Variants in DIS3L2 observed in about 807,000 individuals in gnomAD.
DIS3L2 encodes the protein DIS3 like 3'-5' exoribonuclease 2.
In DIS3L2, 34 loss-of-function variants were observed where a neutral mutation model predicts 97.5. That is an observed-to-expected ratio of 0.35 (90% CI 0.27 to 0.46). The LOEUF (loss-of-function observed/expected upper bound fraction) is 0.46. DIS3L2 is among the 20% of genes least tolerant of loss of function. DIS3L2 has a pLI of 1.00. For missense variants in DIS3L2, 1,038 were observed against 1,146.0 expected (o/e 0.91, Z 1.36); for synonymous variants, 435 against 445.2 (o/e 0.98, Z 0.29).
At chr2:232,302,953 A>G (rs1694899261) in intron 14 of DIS3L2, among the ~76,000 whole-genome samples, 1 of 152,200 alleles carries the variant, frequency 6.6e-6, no homozygotes, top group Non-Finnish European at 1.5e-5. Flanking sequence ...AGGATTAATA[A>G]TACCTCTCTG....
chr2:232,101,330 T>G lies in DIS3L2; in HGVS notation c.601+13609T>G, dbSNP rs1056941865. On this transcript the variant is annotated intron_variant, in intron 6 of 20. Coordinates refer to ENST00000325385, the MANE Select transcript of DIS3L2 (RefSeq NM_152383.5). ...TTTGTATTTCCTACAGTCTTGTCAA[T>G]TGTAGCTTGATATATTTTGAAGTTG... 9.8e-5 allele frequency among the ~76,000 whole-genome samples: 15 copies of G among 152,354 alleles called. 1 individual carries two copies. The Middle Eastern group carries it at 0.01, about 104-fold the overall frequency.
At chr2:232,173,953 T>C (rs1397197497) in intron 9 of DIS3L2, among the ~76,000 whole-genome samples, 1 of 152,206 alleles carries the variant, frequency 6.6e-6, no homozygotes, top group Non-Finnish European at 1.5e-5. Context: ...TATTTTAGGA[T>C]CAGCTTGTCA....
At chr2:231,997,945 T>C (rs919281208) in intron 1 of DIS3L2, among the ~76,000 whole-genome samples, 13 of 152,210 alleles carry the variant, frequency 8.5e-5, no homozygotes, top group Admixed American at 3.3e-4. Flanking sequence ...TCCTTTCTTA[T>C]ATGAAAAGAA....
At position 232,329,951 on chromosome 2, in the gene DIS3L2, C is replaced by A; in HGVS notation, c.1878C>A (p.Asp626Glu). ...TCAGTGACCTGGTGGAATTCTGCGA[C>A]CAGATGGGGCTGCCCGTGGACTTCA... The part of the protein sequence containing the change: ...RMLSDLVEFC[D>E]QMGLPVDFSS... Residue 626 changes from aspartate to glutamate, a missense_variant, in exon 15 of 21, where the codon GAC becomes GAA. By Grantham distance (45) the Asp-to-Glu change is conservative. Around this residue, in one of 3 missense-constraint regions of DIS3L2, gnomAD observed 813 missense variants for 880.1 expected, o/e 0.92. Transcript: ENST00000325385. The A allele has an allele frequency of 6.2e-7, 1 of 1,612,968 alleles. No homozygotes were observed.
At chr2:232,341,998 G>A (rs1272941797), downstream of DIS3L2, among the ~76,000 whole-genome samples, 1 of 152,162 alleles carries the variant, frequency 6.6e-6, no homozygotes, top group African/African-American at 2.4e-5. Context: ...CTGCCCAGAT[G>A]GCAGTTTTGT....
chr2:232,332,250 C>CA (rs1164266064), intron 16 of DIS3L2, among the ~76,000 whole-genome samples: 2 of 151,362 alleles, frequency 1.3e-5, no homozygotes, highest in Non-Finnish European at 2.9e-5. Flanking sequence ...GCTGTGCCCA[C>CA]CTCCCCCAGA....
In DIS3L2 at chr2:232,238,599, A is replaced by T. The variant is rs1692997849; in HGVS notation, c.1271A>T (p.Asp424Val). The change falls in exon 11 of 21, where the codon GAT becomes GTT. Residue 424 changes from aspartate (D) to valine (V), a missense_variant. Coordinates refer to ENST00000325385, the MANE Select transcript of DIS3L2 (RefSeq NM_152383.5). ...TTTGTTCCGGAGGGATCTGATCTGGATAAAGTGGCTGCCGAGAGGGCTACA... is the reference window on the plus strand; with the variant it reads ...TTTGTTCCGGAGGGATCTGATCTGGTTAAAGTGGCTGCCGAGAGGGCTACA... ...SYFVPEGSDL[D>V]KVAAERATSV... is the part of the protein sequence containing the mutation. 1 of 1,614,196 alleles carries T rather than the reference A, an allele frequency of 6.2e-7. No individual in the cohort carries two copies. The highest frequency in any genetic ancestry group is 2.2e-5 in the East Asian group (1 of 44,880).
intron 3 of DIS3L2, among the ~76,000 whole-genome samples, chr2:232,023,444 T>A (rs945708391): frequency 2.6e-5 from 4 of 152,204 alleles, no homozygotes; most frequent in Non-Finnish European, 5.9e-5. Context: ...GAAATGTTAT[T>A]TAAAACACTT....
intron 14 of DIS3L2, among the ~76,000 whole-genome samples, chr2:232,303,926 C>T (rs1694925289): frequency 1.3e-5 from 2 of 152,172 alleles, no homozygotes; most frequent in African/African-American, 4.8e-5. Context: ...TCTCATGGGA[C>T]TTGGACCCTG....
chr2:231,973,947 TA>T (rs1345037361), intron 1 of DIS3L2, among the ~76,000 whole-genome samples: 3 of 152,186 alleles, frequency 2.0e-5, no homozygotes, highest in Admixed American at 6.5e-5. Flanking sequence ...TGGTTTTAAT[TA>T]AGTAGACTAA....
At chr2:232,246,036 G>A (rs1240722621) in intron 11 of DIS3L2, among the ~76,000 whole-genome samples, 3 of 152,226 alleles carry the variant, frequency 2.0e-5, no homozygotes, top group African/African-American at 7.2e-5. Flanking sequence ...GGTGTAGAGA[G>A]AGACAGGAGT....
At chr2:232,317,639 G>A (rs937353742) in intron 14 of DIS3L2, among the ~76,000 whole-genome samples, 1 of 152,102 alleles carries the variant, frequency 6.6e-6, no homozygotes, top group Non-Finnish European at 1.5e-5. Context: ...GTTTCACTAT[G>A]TTGGCCAGCC....
At chr2:232,087,433 C>CTT (rs35104431) in intron 5 of DIS3L2, 54 bp from the exon 6 acceptor site, 263 of 1,122,350 alleles carry the variant, frequency 2.3e-4, no homozygotes, top group South Asian at 4.9e-4. Context: ...AAAATCTGCT[C>CTT]TTTTTTTTTT....
intron 13 of DIS3L2, among the ~76,000 whole-genome samples, chr2:232,271,177 G>A (rs1693999385): frequency 6.6e-6 from 1 of 152,128 alleles, no homozygotes; most frequent in African/African-American, 2.4e-5. Flanking sequence ...CTGAGACTGG[G>A]GAATGACCCC....
chr2:232,047,881 G>A (rs72987698), intron 5 of DIS3L2, among the ~76,000 whole-genome samples: 1,714 of 152,202 alleles, frequency 0.011, 19 homozygotes, highest in Non-Finnish European at 0.016. Context: ...GTTCTTCCAC[G>A]TTGTAGCACA....
chr2:232,089,391 T>A (rs1696770183), intron 6 of DIS3L2, among the ~76,000 whole-genome samples: 1 of 152,222 alleles, frequency 6.6e-6, no homozygotes, highest in Admixed American at 6.5e-5. Context: ...TCCTTTTGGA[T>A]GCTATTCCTT....
At chr2:232,125,911 G>T (rs1384945690) in intron 6 of DIS3L2, among the ~76,000 whole-genome samples, 1 of 152,198 alleles carries the variant, frequency 6.6e-6, no homozygotes, top group Non-Finnish European at 1.5e-5. Context: ...AGTTTTCCTA[G>T]TTGGTTTTGA....
rs1362349696 is a variant in DIS3L2, at chr2:232,293,542, T to G, written c.1660-6498T>G. 6.6e-6 allele frequency among the ~76,000 whole-genome samples: 1 copy of G among 152,192 alleles called. No individual in the cohort carries two copies. Among genetic ancestry groups the G allele is most frequent in the East Asian group, 1.9e-4 (1 of 5,190 alleles). On this transcript the variant is annotated intron_variant, in intron 13 of 20. Coordinates refer to ENST00000325385, the MANE Select transcript of DIS3L2 (RefSeq NM_152383.5). This position sits in a 1 kb window ranked among gnomAD's most constrained non-coding sequence, Gnocchi z 4.6. ...CACAGAGGCCTAAGAGAGCCTGGTC[T>G]GCTCTGAACCCCTCAGGGAAGTGGA...
Position 231,968,223 on chromosome 2 carries a change from C to T in DIS3L2, c.-94+6458C>T, listed in dbSNP as rs1692784326. ...TACCATTCTCCTGCCTCAGTCTCCC[C>T]AGTAGCTGGGACTACAGGCACCTGC... On this transcript the variant is annotated intron_variant, in intron 1 of 20. Transcript: ENST00000325385. Among the ~76,000 whole-genome samples, 2 of 152,048 alleles carry T rather than the reference C, an allele frequency of 1.3e-5. 1 individual carries two copies. The highest frequency in any genetic ancestry group is 4.2e-4 in the South Asian group (2 of 4,800).
Sources: allele counts gnomAD v4.1 joint callset (sites outside exome capture counted in the v4.1 genomes callset), GRCh38; gene constraint gnomAD v4.1.1; regional missense constraint gnomAD v4.1.1; non-coding constraint Gnocchi (gnomAD v3.1); transcripts MANE v1.5; gene names NCBI Gene and HGNC (gene_info 2026-07-23, HGNC 2026-07-21).